ATP2B2: variants seen among roughly 807,000 people sequenced by gnomAD.
The protein encoded by ATP2B2 is plasma membrane calcium-transporting ATPase 2.
In ATP2B2, 15 loss-of-function variants were observed where a neutral mutation model predicts 120.0. The ratio of observed to expected loss-of-function variants is 0.12; its 90% CI spans 0.08 to 0.19. The LOEUF (loss-of-function observed/expected upper bound fraction) is 0.19, where lower values mean the gene tolerates loss of function less well. ATP2B2 is among the 10% of genes least tolerant of loss of function. The pLI, the probability that ATP2B2 is intolerant of heterozygous loss-of-function variation, is 1.00. For synonymous variants in ATP2B2, 694 were observed against 700.3 expected (o/e 0.99, Z 0.14); for missense variants, 1,045 against 1,719.8 (o/e 0.61, Z 6.94).
rs556727847 is a variant in ATP2B2, at chr3:10,340,679, G to A, written c.2943C>T (p.Ser981=). Residue 981 remains serine (S), a synonymous_variant, in exon 20 of 23, where the codon AGC becomes AGT. Transcript: ENST00000360273. This position sits in a 1 kb window ranked among gnomAD's most constrained non-coding sequence, Gnocchi z 5.0. ...GCGAATGCAGGGGCGCGTTCCTCCC[G>A]CTGTCGATCTGGAACATCTTCTCGC... is the stretch of plus-strand genomic sequence containing the variant. ...FVGEKMFQID[S]GRNAPLHSPP... The A allele has an allele frequency of 2.4e-4, 389 of 1,614,132 alleles. 3 individuals carry two copies. The South Asian group carries it at 3.5e-3, about 14-fold the overall frequency.
intron 2 of ATP2B2, among the ~76,000 whole-genome samples, chr3:10,578,216 G>A (rs943200246): frequency 3.9e-5 from 6 of 152,202 alleles, no homozygotes; most frequent in African/African-American, 1.4e-4. Context: ...TTGCTGGTGG[G>A]AGTGTGAAAT....
intron 2 of ATP2B2, among the ~76,000 whole-genome samples, chr3:10,616,277 A>G (rs1270784273): frequency 1.3e-5 from 2 of 152,220 alleles, no homozygotes; most frequent in Non-Finnish European, 2.9e-5. Flanking sequence ...GTGGGCCCTT[A>G]TTCAATCTGA....
chr3:10,481,227 G>A (rs1037745505), intron 1 of ATP2B2, among the ~76,000 whole-genome samples: 1 of 152,178 alleles, frequency 6.6e-6, no homozygotes, highest in African/African-American at 2.4e-5. Flanking sequence ...TTTGCTATAA[G>A]CTAACTTGAG....
At chr3:10,702,376 G>C (rs1020410857) in intron 1 of ATP2B2, among the ~76,000 whole-genome samples, 29 of 152,208 alleles carry the variant, frequency 1.9e-4, no homozygotes, top group Non-Finnish European at 5.9e-5. Flanking sequence ...ACTTTGACTT[G>C]TCTTAGTCCT....
At chr3:10,679,290 T>C (rs9818264) in intron 1 of ATP2B2, among the ~76,000 whole-genome samples, 4,036 of 152,284 alleles carry the variant, frequency 0.027, 167 homozygotes, top group African/African-American at 0.09. Context: ...TATGCAGCAA[T>C]AGACAACCAA....
At chr3:10,512,464 G>GCGCACACAGACACACAGATACA (rs749056818) in intron 3 of ATP2B2, among the ~76,000 whole-genome samples, 1 of 136,926 alleles carries the variant, frequency 7.3e-6, no homozygotes, top group African/African-American at 2.9e-5. Flanking sequence ...AAGTGTGTGC[G>GCGCACACAGACACACAGATACA]CACACACACA....
chr3:10,677,500 C>T (rs1340837523), intron 1 of ATP2B2, among the ~76,000 whole-genome samples: 1 of 152,102 alleles, frequency 6.6e-6, no homozygotes, highest in Non-Finnish European at 1.5e-5. Flanking sequence ...TACATTTGTC[C>T]AGACCCACAG....
chr3:10,335,582 T>G (rs1204369037), intron 22 of ATP2B2, among the ~76,000 whole-genome samples: 4 of 152,196 alleles, frequency 2.6e-5, no homozygotes. Flanking sequence ...TGGGAAAGTC[T>G]GGTTGACGTG....
chr3:10,595,267 G>C (rs1222894535), intron 2 of ATP2B2, among the ~76,000 whole-genome samples: 1 of 152,098 alleles, frequency 6.6e-6, no homozygotes, highest in Non-Finnish European at 1.5e-5. Flanking sequence ...GGCCTTTTGG[G>C]GAAGGAGGCG....
At chr3:10,579,074 G>T (rs1298202051) in intron 2 of ATP2B2, among the ~76,000 whole-genome samples, 1 of 152,188 alleles carries the variant, frequency 6.6e-6, no homozygotes, top group African/African-American at 2.4e-5. Flanking sequence ...ATGAGAGAAA[G>T]AAAGATTAAG....
intron 2 of ATP2B2, among the ~76,000 whole-genome samples, chr3:10,552,725 A>G (rs1004854268): frequency 6.6e-6 from 1 of 152,188 alleles, no homozygotes; most frequent in Non-Finnish European, 1.5e-5. Context: ...TCCAACCAAG[A>G]TGTGTTCCCT....
intron 2 of ATP2B2, among the ~76,000 whole-genome samples, chr3:10,602,371 C>G (rs1200721346): frequency 1.3e-5 from 2 of 152,126 alleles, no homozygotes; most frequent in Non-Finnish European, 2.9e-5. Context: ...GTCCTTAGAC[C>G]ATGATGCTCA....
intron 2 of ATP2B2, among the ~76,000 whole-genome samples, chr3:10,590,454 C>T (rs983951603): frequency 6.6e-6 from 1 of 152,184 alleles, no homozygotes; most frequent in Admixed American, 6.5e-5. Context: ...CAAAAGCCTT[C>T]TAGAGTGTCC....
At chr3:10,527,393 A>T (rs192405503) in intron 3 of ATP2B2, among the ~76,000 whole-genome samples, 2 of 152,352 alleles carry the variant, frequency 1.3e-5, no homozygotes, top group East Asian at 3.9e-4. Context: ...CCAAATGGAC[A>T]CCTGGGTGTC....
intron 8 of ATP2B2, among the ~76,000 whole-genome samples, chr3:10,381,133 C>T (rs1482151732): frequency 1.3e-5 from 2 of 152,314 alleles, no homozygotes; most frequent in East Asian, 1.9e-4. Flanking sequence ...CGAACCTCGC[C>T]CAGCACTGTC....
intron 2 of ATP2B2, among the ~76,000 whole-genome samples, chr3:10,416,752 C>G (rs960792876): frequency 3.3e-5 from 5 of 150,550 alleles, no homozygotes; most frequent in African/African-American, 1.2e-4. Context: ...GAAGGACTTT[C>G]TTTTTCTTTT....
rs1208351978 is a variant in ATP2B2 at position 10,651,478 on chromosome 3, T to C, written c.-459-31517A>G. ...GTCTGCTGCCACGTGAGATGTGCCT[T>C]TCACCTTCCACCATGATTGTGAGGC... On this transcript the variant is annotated intron_variant, in intron 1 of 21. Transcript: ENST00000646379. Among the ~76,000 whole-genome samples the C allele has an allele frequency of 5.3e-5, 8 of 152,230 alleles. No homozygotes were observed. The East Asian group carries it at 1.3e-3, about 26-fold the overall frequency.
chr3:10,359,735 C>T, intron 13 of ATP2B2, 147 bp downstream of exon 13: 1 of 1,174,102 alleles, frequency 8.5e-7, no homozygotes, highest in Non-Finnish European at 1.2e-6. Context: ...GCAGGGCCCT[C>T]TGTGGCTCTG....
rs199859941 is a variant in ATP2B2, at chr3:10,345,558, G to A, written c.2529C>T (p.Asp843=). The change falls in exon 18 of 23, where the codon GAC becomes GAT. Residue 843 remains aspartate, a synonymous_variant. Transcript: ENST00000360273. ...VGFAMGIAGT[D]VAKEASDIIL... Reference sequence around the variant, plus strand: ...TGATGTCTGAGGCCTCCTTGGCCACGTCAGTGCCTGCGATGCCCTGTGGGG... The same window carrying A: ...TGATGTCTGAGGCCTCCTTGGCCACATCAGTGCCTGCGATGCCCTGTGGGG... The A allele has an allele frequency of 5.6e-4, 911 of 1,614,174 alleles. 10 individuals carry two copies. The South Asian group carries it at 9.6e-3, about 17-fold the overall frequency.
Sources: allele counts gnomAD v4.1 joint callset (sites outside exome capture counted in the v4.1 genomes callset), GRCh38; gene constraint gnomAD v4.1.1; non-coding constraint Gnocchi (gnomAD v3.1); transcripts MANE v1.5; gene names NCBI Gene and HGNC (gene_info 2026-07-23, HGNC 2026-07-21).